Variants in RGL1 observed in about 807,000 individuals in gnomAD.
RGL1 encodes ral guanine nucleotide dissociation stimulator-like 1.
RGL1 carries 24 observed loss-of-function variants against 95.2 expected under a neutral mutation model. The ratio of observed to expected loss-of-function variants is 0.25; its 90% CI spans 0.18 to 0.35. The LOEUF is 0.35. Ranked by LOEUF, RGL1 falls within the 10% of genes least tolerant of loss-of-function variation. RGL1 has a pLI of 1.00. For missense variants in RGL1, 715 were observed against 936.3 expected (o/e 0.76, Z 3.08); for synonymous variants, 329 against 344.9 (o/e 0.95, Z 0.51).
intron 2 of RGL1, among the ~76,000 whole-genome samples, chr1:183,810,848 T>G (rs1285362419): frequency 6.6e-6 from 1 of 152,184 alleles, no homozygotes; most frequent in Non-Finnish European, 1.5e-5. Context: ...GAGGCGTCCC[T>G]TCTGTGTGCT....
chr1:183,805,349 C>T, intron 1 of RGL1, 25 bp downstream of exon 1: 1 of 1,595,662 alleles, frequency 6.3e-7, no homozygotes, highest in Non-Finnish European at 8.6e-7. Context: ...CTGCCTTCTC[C>T]CGAGGCTTCT....
chr1:183,909,196 C>T (rs1261688136), intron 14 of RGL1, among the ~76,000 whole-genome samples: 3 of 152,120 alleles, frequency 2.0e-5, no homozygotes, highest in Admixed American at 1.3e-4. Flanking sequence ...TGTTTGCATA[C>T]CATTATTTTT....
At chr1:183,779,496 A>G (rs2102351174) in intron 2 of RGL1, among the ~76,000 whole-genome samples, 1 of 152,026 alleles carries the variant, frequency 6.6e-6, no homozygotes, top group East Asian at 1.9e-4. Flanking sequence ...TGATCTACCC[A>G]CCTCAGCCTC....
chr1:183,797,312 G>A (rs1449590719), intron 2 of RGL1, among the ~76,000 whole-genome samples: 3 of 152,072 alleles, frequency 2.0e-5, no homozygotes, highest in Non-Finnish European at 4.4e-5. Context: ...CTGGGTGAGA[G>A]AGCAAGACTC....
At chr1:183,689,522 C>G (rs1653817453) in intron 1 of RGL1, among the ~76,000 whole-genome samples, 1 of 152,202 alleles carries the variant, frequency 6.6e-6, no homozygotes, top group Non-Finnish European at 1.5e-5. Flanking sequence ...TAGATAGTTG[C>G]TCCTTTCTAT....
chr1:183,885,602 C>T (rs936865199), intron 7 of RGL1, among the ~76,000 whole-genome samples: 2 of 152,122 alleles, frequency 1.3e-5, no homozygotes, highest in African/African-American at 4.8e-5. Flanking sequence ...AGCATCTTAT[C>T]TCATGACTGA....
At chr1:183,811,278 G>C (rs1661694799) in intron 2 of RGL1, among the ~76,000 whole-genome samples, 1 of 152,090 alleles carries the variant, frequency 6.6e-6, no homozygotes, top group Admixed American at 6.5e-5. Context: ...TACTTCTCTT[G>C]CTGCTGAATG....
intron 1 of RGL1, chr1:183,648,646 TGA>T (rs761340418): frequency 1.1e-5 from 18 of 1,614,120 alleles, no homozygotes; most frequent in Non-Finnish European, 1.5e-5. Context: ...CAAAATTCTG[TGA>T]GGGAAACTCT....
At chr1:183,823,962 A>AT (rs200924918) in intron 2 of RGL1, among the ~76,000 whole-genome samples, 10 of 150,800 alleles carry the variant, frequency 6.6e-5, no homozygotes, top group East Asian at 5.8e-4. Context: ...AATTCTTTTA[A>AT]TTTTTTTTTA....
chr1:183,776,443 C>T (rs181673454), intron 2 of RGL1, among the ~76,000 whole-genome samples: 342 of 152,118 alleles, frequency 2.2e-3, no homozygotes, highest in Middle Eastern at 3.4e-3. Context: ...CCACCGCGCC[C>T]GGCCAGATTT....
intron 1 of RGL1, among the ~76,000 whole-genome samples, chr1:183,666,544 G>C (rs562508220): frequency 3.3e-5 from 5 of 151,718 alleles, no homozygotes; most frequent in African/African-American, 1.2e-4. Flanking sequence ...ATTGAGATGA[G>C]GTTTCACCAT....
chr1:183,682,108 C>A (rs1653258797), intron 1 of RGL1, among the ~76,000 whole-genome samples: 1 of 152,146 alleles, frequency 6.6e-6, no homozygotes, highest in Non-Finnish European at 1.5e-5. Flanking sequence ...TTAATCTTTT[C>A]AAAAAACCAG....
chr1:183,885,569 A>G (rs79411014), intron 7 of RGL1, among the ~76,000 whole-genome samples: 2,372 of 152,318 alleles, frequency 0.016, 28 homozygotes, highest in Non-Finnish European at 0.025. Context: ...AACTGCTTAC[A>G]TACCATAGGA....
chr1:183,895,691 G>A (rs919887389), intron 9 of RGL1, among the ~76,000 whole-genome samples: 7 of 152,194 alleles, frequency 4.6e-5, no homozygotes, highest in African/African-American at 1.7e-4. Flanking sequence ...GGTGTTGTGC[G>A]ACATTGCAGA....
At chr1:183,813,196 G>A (rs967474375) in intron 2 of RGL1, among the ~76,000 whole-genome samples, 1 of 152,244 alleles carries the variant, frequency 6.6e-6, no homozygotes, top group African/African-American at 2.4e-5. Flanking sequence ...GAGTGTAGGC[G>A]GGGCACAGGG....
intron 3 of RGL1, among the ~76,000 whole-genome samples, chr1:183,863,330 T>G (rs893849828): frequency 6.6e-6 from 1 of 151,964 alleles, no homozygotes; most frequent in Admixed American, 6.5e-5. Context: ...CCTTTTTTTG[T>G]TTTTTGTTTT....
At chr1:183,642,902 CT>C (rs1650021932) in intron 1 of RGL1, among the ~76,000 whole-genome samples, 1 of 152,174 alleles carries the variant, frequency 6.6e-6, no homozygotes, top group Non-Finnish European at 1.5e-5. Flanking sequence ...CTCCAGACCT[CT>C]TTTCATCTTA....
intron 1 of RGL1, chr1:183,648,814 A>C: frequency 6.6e-7 from 1 of 1,508,616 alleles, no homozygotes; most frequent in Non-Finnish European, 8.9e-7. Context: ...CTGCAAACCT[A>C]AACAAGGAAG....
At chr1:183,769,428 C>G (rs1364039852) in intron 2 of RGL1, among the ~76,000 whole-genome samples, 1 of 152,194 alleles carries the variant, frequency 6.6e-6, no homozygotes, top group Non-Finnish European at 1.5e-5. Flanking sequence ...CTACTTTTAT[C>G]TTACCAATAA....
Sources: allele counts gnomAD v4.1 joint callset (sites outside exome capture counted in the v4.1 genomes callset), GRCh38; gene constraint gnomAD v4.1.1; transcripts MANE v1.5; gene names NCBI Gene and HGNC (gene_info 2026-07-23, HGNC 2026-07-21).